Variants in PTPRN2 observed in about 807,000 individuals in gnomAD.
The protein encoded by PTPRN2 is protein tyrosine phosphatase receptor type N2.
In PTPRN2, 74 loss-of-function variants were observed where a neutral mutation model predicts 118.8. That is an observed-to-expected ratio of 0.62 (90% CI 0.52 to 0.76). The LOEUF (loss-of-function observed/expected upper bound fraction) is 0.76. Ranked by LOEUF, PTPRN2 falls within the 30% of genes least tolerant of loss-of-function variation. The pLI is 0.00. For synonymous variants in PTPRN2, 641 were observed against 608.0 expected (o/e 1.05, Z -0.80); for missense variants, 1,481 against 1,394.4 (o/e 1.06, Z -0.99).
In PTPRN2 at chr7:157,615,667, A is replaced by G. The variant is rs1490417184; in HGVS notation, c.2344+5695T>C. The G allele has an allele frequency of 2.2e-6, 1 of 460,498 alleles. No individual in the cohort carries two copies. The highest frequency in any genetic ancestry group is 4.6e-6 in the Non-Finnish European group (1 of 218,482). 28.5% of individuals were successfully genotyped at this position (460,498 alleles called of 1,614,324 possible). ...TTTTATCAATGACTTGACGACGTGA[A>G]AAACATGTTTATAAAACGAGCAGAT... On this transcript the variant is annotated intron_variant, in intron 15 of 22. Transcript: ENST00000389418. This position sits in a 1 kb window ranked among gnomAD's most constrained non-coding sequence, Gnocchi z 4.3.
At position 158,440,587 on chromosome 7, in the gene PTPRN2, ATGG is replaced by A. The variant is rs201360983; in HGVS notation, c.163+49145_163+49147del. 3.1e-3 allele frequency among the ~76,000 whole-genome samples: 460 copies of A among 147,492 alleles called. 9 individuals carry two copies. Among genetic ancestry groups the A allele is most frequent in the East Asian group, 0.023 (112 of 4,916 alleles). ...GGTGGTGATAATGATAGTGGTAACA[ATGG>A]TGGTGGTGATGGTGGTAATACTGGT... On this transcript the variant is annotated intron_variant, in intron 2 of 22. Transcript: ENST00000389418.
At chr7:157,837,543 C>T (rs1354858111) in intron 12 of PTPRN2, among the ~76,000 whole-genome samples, 1 of 151,460 alleles carries the variant, frequency 6.6e-6, no homozygotes, top group Non-Finnish European at 1.5e-5. Context: ...CTGTGGAGGT[C>T]GACTCCCCAG....
chr7:158,235,042 A>G (rs975877352), intron 3 of PTPRN2, among the ~76,000 whole-genome samples: 10 of 152,196 alleles, frequency 6.6e-5, no homozygotes, highest in African/African-American at 2.2e-4. Context: ...GATTACAGGC[A>G]TGAGCCACCG....
chr7:158,017,280 T>C (rs1806525794), intron 11 of PTPRN2, among the ~76,000 whole-genome samples: 1 of 152,118 alleles, frequency 6.6e-6, no homozygotes, highest in African/African-American at 2.4e-5. Flanking sequence ...GCTAGGAACA[T>C]CAAAGAGGCC....
intron 12 of PTPRN2, among the ~76,000 whole-genome samples, chr7:157,686,042 GA>G (rs1401290933): frequency 2.6e-5 from 4 of 152,226 alleles, no homozygotes; most frequent in Non-Finnish European, 5.9e-5. Context: ...GACAGCCGGG[GA>G]GTCGTGACCG....
At chr7:157,776,246 T>TCTCCCTCTCCTCCTC (rs149422515) in intron 12 of PTPRN2, among the ~76,000 whole-genome samples, 14,552 of 65,782 alleles carry the variant, frequency 0.22, 2,259 homozygotes, top group African/African-American at 0.46. Context: ...TCCTCCCTCC[T>TCTCCCTCTCCTCCTC]CTCCCTCTCC....
chr7:157,674,853 C>A lies in PTPRN2; in HGVS notation c.2001+7872G>T, dbSNP rs1310317393. Among the ~76,000 whole-genome samples the A allele has an allele frequency of 6.6e-6, 1 of 152,176 alleles. No homozygotes were observed. Among genetic ancestry groups the A allele is most frequent in the African/African-American group, 2.4e-5 (1 of 41,458 alleles). On this transcript the variant is annotated intron_variant, in intron 13 of 22. Coordinates refer to ENST00000389418, the MANE Select transcript of PTPRN2 (RefSeq NM_002847.5). The surrounding 1 kb of genome is among the most constrained non-coding windows in gnomAD (Gnocchi z 4.5). ...GAGCTCCTCCTGCCGGGGGGGTCTGCACAGTTCTGGGTGGGGGAGGCTCCA... is the reference window on the plus strand; with the variant it reads ...GAGCTCCTCCTGCCGGGGGGGTCTGAACAGTTCTGGGTGGGGGAGGCTCCA...
rs975185793 is a variant in PTPRN2 at position 157,617,611 on chromosome 7, G to T, written c.2344+3751C>A. On this transcript the variant is annotated intron_variant, in intron 15 of 22. Transcript: ENST00000389418. The surrounding 1 kb of genome is among the most constrained non-coding windows in gnomAD (Gnocchi z 7.5). ...GCAGCTGCAGCGCAGGGCCAGTGTG[G>T]TGACCCTGACTCCTGGGAACGGTGA... 6.6e-6 allele frequency: 1 copy of T among 152,360 alleles called. No homozygotes were observed. The highest frequency in any genetic ancestry group is 2.4e-5 in the African/African-American group (1 of 41,448). The allele number at this position is 152,360 out of a possible 1,614,324, so 9.4% of individuals were successfully genotyped here. A position where few individuals can be genotyped will look rare whatever the true frequency, so the allele number is the denominator to read the frequency against.
intron 2 of PTPRN2, among the ~76,000 whole-genome samples, chr7:158,423,560 G>A (rs185907906): frequency 2.3e-4 from 34 of 150,848 alleles, no homozygotes; most frequent in African/African-American, 7.8e-4. Context: ...TTGAGACAAA[G>A]TCTCACTCTG....
At chr7:157,747,964 GTTGAGGTGATTCTGA>G (rs1801109610) in intron 12 of PTPRN2, among the ~76,000 whole-genome samples, 2 of 132,844 alleles carry the variant, frequency 1.5e-5, no homozygotes, top group Non-Finnish European at 3.2e-5. Flanking sequence ...GCTGCAGGCT[GTTGAGGTGATTCTGA>G]GGCCTGCGTC....
intron 11 of PTPRN2, among the ~76,000 whole-genome samples, chr7:158,020,240 A>G (rs1806771323): frequency 6.6e-6 from 1 of 152,210 alleles, no homozygotes; most frequent in South Asian, 2.1e-4. Flanking sequence ...AGCTACTGCA[A>G]CTTACCTCCT....
chr7:158,227,066 G>C (rs1212114247), intron 3 of PTPRN2, among the ~76,000 whole-genome samples: 1 of 152,172 alleles, frequency 6.6e-6, no homozygotes, highest in African/African-American at 2.4e-5. Context: ...AGGACGAATG[G>C]AGGCCTCAGA....
rs578240329 is a variant in PTPRN2, at chr7:157,583,863, C to T, written c.2497-5723G>A. Among the ~76,000 whole-genome samples the T allele has an allele frequency of 7.2e-4, 106 of 147,048 alleles. No homozygotes were observed. Among genetic ancestry groups the T allele is most frequent in the African/African-American group, 2.6e-3 (103 of 40,248 alleles). On this transcript the variant is annotated intron_variant, in intron 17 of 22. Transcript: ENST00000389418. The surrounding 1 kb of genome is among the most constrained non-coding windows in gnomAD (Gnocchi z 5.5). The stretch of plus-strand genomic sequence containing the variant: ...TGCCACTGCACGCCAGCCTGGGTGA[C>T]AGAGCGAGACTCTGTCTCAAACACA...
At chr7:158,522,400 G>C (rs10233097) in intron 1 of PTPRN2, among the ~76,000 whole-genome samples, 3,884 of 127,710 alleles carry the variant, frequency 0.03, 365 homozygotes, top group Middle Eastern at 0.053. Flanking sequence ...CACAATGGTG[G>C]ACTGTCCAGG....
intron 3 of PTPRN2, among the ~76,000 whole-genome samples, chr7:158,281,918 C>T (rs533475574): frequency 3.3e-5 from 5 of 152,376 alleles, no homozygotes; most frequent in South Asian, 2.1e-4. Context: ...GCAGGATTTA[C>T]AGGGTCAAAA....
At chr7:158,262,936 A>G (rs900513156) in intron 3 of PTPRN2, among the ~76,000 whole-genome samples, 1 of 140,540 alleles carries the variant, frequency 7.1e-6, no homozygotes, top group Non-Finnish European at 1.5e-5. Context: ...CACACACTGC[A>G]CACACACATT....
At chr7:157,637,783 C>G (rs1804410903) in intron 14 of PTPRN2, among the ~76,000 whole-genome samples, 1 of 152,234 alleles carries the variant, frequency 6.6e-6, no homozygotes, top group African/African-American at 2.4e-5. Context: ...AACGCATAGA[C>G]AGCTTCTCCC....
In PTPRN2 at chr7:157,786,088, C is replaced by A. The variant is rs527773960; in HGVS notation, c.1789-103151G>T. On this transcript the variant is annotated intron_variant, in intron 12 of 22. Transcript: ENST00000389418. The stretch of plus-strand genomic sequence containing the variant: ...GCGTTAGCCGCACTCCGAGTGCGCG[C>A]CAAGGGCTTCAGCTGGCTGAGCGCT... Among the ~76,000 whole-genome samples the A allele has an allele frequency of 3.6e-3, 549 of 152,300 alleles. 1 individual carries two copies. Among genetic ancestry groups the A allele is most frequent in the Admixed American group, 6.1e-3 (93 of 15,310 alleles).
At chr7:158,536,353 C>A (rs1825643368) in intron 1 of PTPRN2, among the ~76,000 whole-genome samples, 1 of 152,214 alleles carries the variant, frequency 6.6e-6, no homozygotes, top group Non-Finnish European at 1.5e-5. Context: ...TAAGTAAGTG[C>A]TGCCCTGCCT....
Sources: allele counts gnomAD v4.1 joint callset (sites outside exome capture counted in the v4.1 genomes callset), GRCh38; gene constraint gnomAD v4.1.1; non-coding constraint Gnocchi (gnomAD v3.1); transcripts MANE v1.5; gene names NCBI Gene and HGNC (gene_info 2026-07-23, HGNC 2026-07-21).